CTBP1: variants seen among roughly 807,000 people sequenced by gnomAD.
The protein encoded by CTBP1 is C-terminal-binding protein 1.
Under a neutral mutation model 42.1 loss-of-function variants are expected in CTBP1, and 11 were observed. The ratio of observed to expected loss-of-function variants is 0.26; its 90% CI spans 0.16 to 0.43. The LOEUF is 0.43. Ranked by LOEUF, CTBP1 falls within the 20% of genes least tolerant of loss-of-function variation. The pLI is 1.00. For synonymous variants in CTBP1, 324 were observed against 277.1 expected (o/e 1.17, Z -1.68); for missense variants, 399 against 624.3 (o/e 0.64, Z 3.85).
intron 5 of CTBP1, 124 bp downstream of exon 5, chr4:1,225,236 C>T (rs1560248250): frequency 1.7e-6 from 2 of 1,187,192 alleles, no homozygotes; most frequent in East Asian, 2.6e-5. Flanking sequence ...CAGTCCTGTC[C>T]TGGGTTGGGA....
At chr4:1,213,645 T>TGTGGCTGGGTACGGAGGGGAG (rs1167369184) in intron 7 of CTBP1, 40 bp from the exon 8 acceptor site, 1 of 1,598,252 alleles carries the variant, frequency 6.3e-7, no homozygotes, top group Non-Finnish European at 8.5e-7. Context: ...GCCTGAGTGC[T>TGTGGCTGGGTACGGAGGGGAG]GTGGCTGGGT....
intron 3 of CTBP1, chr4:1,237,162 C>A: frequency 3.0e-6 from 2 of 658,832 alleles, no homozygotes; most frequent in South Asian, 3.3e-5. Flanking sequence ...GTGTCCACCT[C>A]CTGATGGGGC....
intron 3 of CTBP1, among the ~76,000 whole-genome samples, chr4:1,231,405 C>T (rs559968867): frequency 1.3e-5 from 2 of 152,364 alleles, no homozygotes; most frequent in East Asian, 1.9e-4. Context: ...TCCCCTCCAC[C>T]GCCAGGGGCT....
chr4:1,248,921 G>T lies in CTBP1; in HGVS notation c.-194C>A. ...GCGCGCGCGCGCGGCCTTACCAAGC[G>T]GCAGGCCCTTGTTGAGCAAGTGCGA... On this transcript the variant is annotated 5_prime_UTR_variant, in exon 1 of 10. Coordinates refer to ENST00000382952, the MANE Select transcript of CTBP1 (RefSeq NM_001012614.2). The T allele has an allele frequency of 2.0e-6, 2 of 1,001,976 alleles. No individual in the cohort carries two copies. Among genetic ancestry groups the T allele is most frequent in the South Asian group, 3.3e-5 (1 of 30,726 alleles). 62.1% of individuals were successfully genotyped at this position (1,001,976 alleles called of 1,614,324 possible).
At chr4:1,246,554 G>C (rs1732742307) in intron 1 of CTBP1, among the ~76,000 whole-genome samples, 1 of 152,236 alleles carries the variant, frequency 6.6e-6, no homozygotes, top group Non-Finnish European at 1.5e-5. Context: ...CGGGCACAAA[G>C]TGCTGCCTGA....
intron 3 of CTBP1, chr4:1,236,845 C>G: frequency 1.5e-6 from 1 of 651,354 alleles, no homozygotes; most frequent in South Asian, 1.7e-5. Flanking sequence ...TCAGGACAAA[C>G]CCGGTGTCCA....
intron 5 of CTBP1, chr4:1,216,624 T>G: frequency 3.9e-6 from 1 of 254,110 alleles, no homozygotes; most frequent in Non-Finnish European, 7.7e-6. Context: ...GGCATCTCAA[T>G]TCCAGCCACC....
intron 1 of CTBP1, among the ~76,000 whole-genome samples, chr4:1,247,893 C>G (rs926578903): frequency 6.6e-6 from 1 of 152,210 alleles, no homozygotes; most frequent in African/African-American, 2.4e-5. Flanking sequence ...AGGGCGCGAC[C>G]GCCTTCCCTT....
rs1730257550 is a variant in CTBP1 at position 1,225,662 on chromosome 4, C to T, written c.308-96G>A. ...TGACTGGAGCGGGTTTGAAGCTTCC[C>T]AAGGAAGAAGCCAAAGGCCGTGTCC... On this transcript the variant is annotated intron_variant, in intron 4 of 9. Transcript: ENST00000382952. 2.3e-6 allele frequency: 3 copies of T among 1,311,754 alleles called. No individual in the cohort carries two copies. In the South Asian group the frequency reaches 4.4e-5, roughly 19 times the overall value. 81.3% of individuals were successfully genotyped at this position (1,311,754 alleles called of 1,614,324 possible).
chr4:1,223,450 C>T (rs1379786447), intron 5 of CTBP1: 1 of 456,188 alleles, frequency 2.2e-6, no homozygotes, highest in Non-Finnish European at 4.4e-6. Context: ...CCGAGACCAC[C>T]CGAAACGTCC....
chr4:1,221,847 A>AATGTTTTCCTGT, intron 5 of CTBP1: 1 of 428,932 alleles, frequency 2.3e-6, no homozygotes, highest in Admixed American at 2.6e-5. Flanking sequence ...CACCTAAGAC[A>AATGTTTTCCTGT]GTGCATTTTT....
At chr4:1,248,423 C>T (rs1164810956) in intron 1 of CTBP1, among the ~76,000 whole-genome samples, 1 of 150,830 alleles carries the variant, frequency 6.6e-6, no homozygotes, top group African/African-American at 2.4e-5. Flanking sequence ...GGCGGCCTCC[C>T]CGCGGGAGGC....
intron 4 of CTBP1, among the ~76,000 whole-genome samples, chr4:1,227,640 A>G (rs1190979449): frequency 7.0e-5 from 8 of 113,484 alleles, no homozygotes; most frequent in South Asian, 3.1e-4. Flanking sequence ...TCCGTGTGCT[A>G]ACTGCATGTG....
chr4:1,248,687 A>T (rs112863928), intron 1 of CTBP1: 13 of 980,774 alleles, frequency 1.3e-5, no homozygotes, highest in African/African-American at 3.6e-5. Context: ...CGGGGAGAGC[A>T]GACTGCGGCG....
At chr4:1,215,341 TCATA>T (rs757105213) in intron 6 of CTBP1, among the ~76,000 whole-genome samples, 10 of 152,144 alleles carry the variant, frequency 6.6e-5, no homozygotes, top group East Asian at 1.9e-4. Flanking sequence ...ACATACAAGC[TCATA>T]CAAACATGCA....
intron 1 of CTBP1, chr4:1,244,981 G>A: frequency 1.0e-6 from 1 of 985,488 alleles, no homozygotes; most frequent in African/African-American, 1.7e-5. Context: ...CAATGGCAGA[G>A]AAGGCAGGCC....
intron 3 of CTBP1, among the ~76,000 whole-genome samples, chr4:1,228,724 G>T (rs1160010300): frequency 5.9e-5 from 9 of 152,156 alleles, no homozygotes; most frequent in African/African-American, 2.2e-4. Flanking sequence ...CACAGGAGGG[G>T]GGGTGCGGCC....
chr4:1,212,895 G>A lies in CTBP1; in HGVS notation c.1106+18C>T. 1.2e-6 allele frequency: 2 copies of A among 1,607,012 alleles called. No individual in the cohort carries two copies. The highest frequency in any genetic ancestry group is 1.7e-4 in the Middle Eastern group (1 of 5,900). ...GGGGCCCTCCTGGAGGCTGTTCTGG[G>A]CCAGCGGGCCTGCTCACCTATAGGC... On this transcript the variant is annotated intron_variant, in intron 9 of 9. Transcript: ENST00000382952.
intron 1 of CTBP1, chr4:1,243,380 G>T (rs900914594): frequency 2.0e-6 from 2 of 985,222 alleles, no homozygotes; most frequent in Admixed American, 1.2e-4. Flanking sequence ...GCACTCCCTG[G>T]GCTAGCCCTG....
Sources: allele counts gnomAD v4.1 joint callset (sites outside exome capture counted in the v4.1 genomes callset), GRCh38; gene constraint gnomAD v4.1.1; transcripts MANE v1.5; gene names NCBI Gene and HGNC (gene_info 2026-07-23, HGNC 2026-07-21).